Variants in CNTNAP2 observed in about 807,000 individuals in gnomAD.
CNTNAP2 encodes the protein contactin-associated protein-like 2.
In CNTNAP2, 98 loss-of-function variants were observed where a neutral mutation model predicts 155.2. The ratio of observed to expected loss-of-function variants is 0.63; its 90% CI spans 0.54 to 0.75. The LOEUF is 0.75. CNTNAP2 is among the 30% of genes least tolerant of loss of function. CNTNAP2 has a pLI of 0.00. For missense variants in CNTNAP2, 1,727 were observed against 1,688.1 expected (o/e 1.02, Z -0.40); for synonymous variants, 651 against 631.2 (o/e 1.03, Z -0.47).
At chr7:147,167,689 T>A in intron 8 of CNTNAP2, 1 of 327,668 alleles carries the variant, frequency 3.1e-6, no homozygotes, top group Non-Finnish European at 5.5e-6. Flanking sequence ...AGGTGGGGCA[T>A]GTGGTTCATC....
At chr7:146,230,570 T>C (rs1231599627) in intron 1 of CNTNAP2, among the ~76,000 whole-genome samples, 1 of 152,172 alleles carries the variant, frequency 6.6e-6, no homozygotes, top group African/African-American at 2.4e-5. Context: ...AAAATAATTG[T>C]AGTAATTGGC....
chr7:146,707,476 C>T (rs1398583184), intron 1 of CNTNAP2, among the ~76,000 whole-genome samples: 1 of 152,044 alleles, frequency 6.6e-6, no homozygotes, highest in East Asian at 1.9e-4. Flanking sequence ...TTAGAAATTT[C>T]TTTCTTTTTG....
chr7:146,634,814 C>T (rs767910934), intron 1 of CNTNAP2, among the ~76,000 whole-genome samples: 1 of 152,060 alleles, frequency 6.6e-6, no homozygotes, highest in Non-Finnish European at 1.5e-5. Flanking sequence ...TTCTTAAAAT[C>T]GCAAACTCAG....
At chr7:146,987,255 A>G (rs1347411389) in intron 3 of CNTNAP2, among the ~76,000 whole-genome samples, 2 of 152,146 alleles carry the variant, frequency 1.3e-5, no homozygotes, top group Non-Finnish European at 2.9e-5. Context: ...TACTTGAGGT[A>G]TTATCCTTTT....
intron 14 of CNTNAP2, among the ~76,000 whole-genome samples, chr7:147,920,789 G>A (rs913645699): frequency 1.4e-5 from 2 of 147,804 alleles, no homozygotes; most frequent in Non-Finnish European, 3.0e-5. Flanking sequence ...TTTCACGTAT[G>A]TGCTTCTGCT....
intron 22 of CNTNAP2, among the ~76,000 whole-genome samples, chr7:148,385,191 T>A (rs1318377359): frequency 3.9e-5 from 6 of 152,206 alleles, no homozygotes; most frequent in Non-Finnish European, 5.9e-5. Context: ...AAAATTGCCC[T>A]GTTGTCAGAA....
chr7:148,277,668 C>T (rs1160089942), intron 21 of CNTNAP2, among the ~76,000 whole-genome samples: 1 of 147,900 alleles, frequency 6.8e-6, no homozygotes, highest in Non-Finnish European at 1.5e-5. Flanking sequence ...GAGCCCTAAA[C>T]CCTTGGTCCC....
At chr7:147,222,005 G>A (rs1450641565) in intron 8 of CNTNAP2, among the ~76,000 whole-genome samples, 2 of 151,962 alleles carry the variant, frequency 1.3e-5, no homozygotes, top group East Asian at 3.9e-4. Flanking sequence ...CCCCCTCTCT[G>A]GCTTCTTTCA....
At chr7:147,741,325 T>A (rs905807522) in intron 13 of CNTNAP2, among the ~76,000 whole-genome samples, 2 of 152,210 alleles carry the variant, frequency 1.3e-5, no homozygotes, top group African/African-American at 2.4e-5. Flanking sequence ...TCACCAGGAA[T>A]ATAAAGTCAA....
At chr7:147,341,923 C>T (rs1443837909) in intron 9 of CNTNAP2, among the ~76,000 whole-genome samples, 1 of 152,154 alleles carries the variant, frequency 6.6e-6, no homozygotes, top group African/African-American at 2.4e-5. Context: ...GGTTGCTATA[C>T]ATTGCCATAG....
chr7:146,236,239 A>T (rs1799471215), intron 1 of CNTNAP2, among the ~76,000 whole-genome samples: 1 of 152,200 alleles, frequency 6.6e-6, no homozygotes, highest in Admixed American at 6.5e-5. Flanking sequence ...ACCGCTGTGT[A>T]CTATTAAAAA....
intron 1 of CNTNAP2, among the ~76,000 whole-genome samples, chr7:146,448,710 G>C (rs1005269435): frequency 1.3e-5 from 2 of 151,936 alleles, no homozygotes; most frequent in Non-Finnish European, 2.9e-5. Flanking sequence ...ATGGATATTG[G>C]TATGATGTTT....
At chr7:146,181,772 T>C (rs1041345778) in intron 1 of CNTNAP2, among the ~76,000 whole-genome samples, 5 of 152,302 alleles carry the variant, frequency 3.3e-5, no homozygotes, top group African/African-American at 1.2e-4. Context: ...GAGCATTTTC[T>C]AAGTCTTGTC....
At chr7:148,038,950 G>C (rs887363177) in intron 15 of CNTNAP2, among the ~76,000 whole-genome samples, 16 of 152,266 alleles carry the variant, frequency 1.1e-4, no homozygotes, top group South Asian at 4.1e-4. Flanking sequence ...CCCTCTTTTT[G>C]TTAAATCCTT....
At position 148,136,025 on chromosome 7, in the gene CNTNAP2, G is replaced by GGAAGGAAGGAAAGA. The variant is rs1563211121; in HGVS notation, c.2555-11466_2555-11465insGAAGGAAGGAAAGA. Among the ~76,000 whole-genome samples the GGAAGGAAGGAAAGA allele has an allele frequency of 7.7e-3, 238 of 30,932 alleles. 7 individuals are homozygous for GGAAGGAAGGAAAGA. Among genetic ancestry groups the GGAAGGAAGGAAAGA allele is most frequent in the African/African-American group, 0.047 (225 of 4,780 alleles). The allele number at this position is 30,932 out of a possible 152,430, so 20.3% of individuals were successfully genotyped here. ...GAAGGAAGGAAGGAAGGAAGGGAGG[G>GGAAGGAAGGAAAGA]AGGGAGGGAGGGAGGGAGGGAGGGG... is the stretch of plus-strand genomic sequence containing the variant. On this transcript the variant is annotated intron_variant, in intron 16 of 23. Coordinates refer to ENST00000361727, the MANE Select transcript of CNTNAP2 (RefSeq NM_014141.6).
chr7:146,330,614 A>C (rs1801169472), intron 1 of CNTNAP2, among the ~76,000 whole-genome samples: 1 of 152,184 alleles, frequency 6.6e-6, no homozygotes, highest in Non-Finnish European at 1.5e-5. Flanking sequence ...ACTTCAATGA[A>C]GGGAGAAACA....
At chr7:147,309,211 T>A (rs1337283215) in intron 9 of CNTNAP2, among the ~76,000 whole-genome samples, 2 of 152,238 alleles carry the variant, frequency 1.3e-5, no homozygotes, top group African/African-American at 4.8e-5. Flanking sequence ...TAGTGCTGAA[T>A]ATCCTTCATT....
At chr7:148,335,838 C>T (rs1194605711) in intron 21 of CNTNAP2, among the ~76,000 whole-genome samples, 2 of 147,204 alleles carry the variant, frequency 1.4e-5, no homozygotes, top group Non-Finnish European at 3.0e-5. Context: ...CTATAGTATT[C>T]TCCAGGTTTA....
At chr7:147,511,537 C>G (rs1425990378) in intron 11 of CNTNAP2, among the ~76,000 whole-genome samples, 1 of 150,336 alleles carries the variant, frequency 6.7e-6, no homozygotes, top group Non-Finnish European at 1.5e-5. Context: ...GAGTTTTATC[C>G]CAGATCTAGT....
Sources: gnomAD v4.1 joint callset for allele counts (sites outside exome capture counted in the v4.1 genomes callset) on GRCh38, gnomAD v4.1.1 for gene constraint, MANE v1.5 for transcripts, NCBI Gene and HGNC (gene_info 2026-07-23, HGNC 2026-07-21) for gene names.